RBBP6: variants seen among roughly 807,000 people sequenced by gnomAD.
RBBP6 encodes E3 ubiquitin-protein ligase RBBP6.
RBBP6 carries 25 observed loss-of-function variants against 167.7 expected under a neutral mutation model. That is an observed-to-expected ratio of 0.15 (90% CI 0.11 to 0.21). RBBP6 has a LOEUF of 0.21. RBBP6 is among the 10% of genes least tolerant of loss of function. The pLI, the probability that RBBP6 is intolerant of heterozygous loss-of-function variation, is 1.00. For synonymous variants in RBBP6, 789 were observed against 735.8 expected (o/e 1.07, Z -1.17); for missense variants, 1,868 against 2,134.2 (o/e 0.88, Z 2.46).
Position 24,571,797 on chromosome 16 carries a change from G to T in RBBP6, c.4731G>T (p.Arg1577Ser). The change falls in exon 18 of 18, where the codon AGG becomes AGT. Residue 1577 changes from arginine to serine, a missense_variant. Around this residue, in one of 7 missense-constraint regions of RBBP6, gnomAD observed 591 missense variants for 540.5 expected, o/e 1.09. Coordinates refer to ENST00000319715, the MANE Select transcript of RBBP6 (RefSeq NM_006910.5). Reference protein sequence around the residue: ...KDREKHVLEARNNKESSGNKL... With the variant: ...KDREKHVLEASNNKESSGNKL... ...GTGAGAAGCATGTATTAGAAGCAAGGAACAATAAAGAGTCAAGTGGCAATA... is the reference window on the plus strand; with the variant it reads ...GTGAGAAGCATGTATTAGAAGCAAGTAACAATAAAGAGTCAAGTGGCAATA... 1 of 1,613,954 alleles carries T rather than the reference G, an allele frequency of 6.2e-7. No individual in the cohort carries two copies. The highest frequency in any genetic ancestry group is 8.5e-7 in the Non-Finnish European group (1 of 1,179,944).
rs140093349 is a variant in RBBP6 at position 24,570,879 on chromosome 16, G to C, written c.3813G>C (p.Thr1271=). 6.8e-7 allele frequency: 1 copy of C among 1,470,132 alleles called. No homozygotes were observed. The highest frequency in any genetic ancestry group is 1.6e-5 in the South Asian group (1 of 64,140). 91.1% of individuals were successfully genotyped at this position (1,470,132 alleles called of 1,614,324 possible). A position where few individuals can be genotyped will look rare whatever the true frequency, so the allele number is the denominator to read the frequency against. The change falls in exon 18 of 18, where the codon ACG becomes ACC. Residue 1271 remains threonine (T), a synonymous_variant. Coordinates refer to ENST00000319715, the MANE Select transcript of RBBP6 (RefSeq NM_006910.5). ...AATATTTTGTTATTCTTTTTAGTAC[G>C]AGCTCAACTGGAGGCAGTCCTGTGC... ...SSSTLVDYTS[T]SSTGGSPVRK... is the part of the protein sequence containing the mutation.
chr16:24,570,125 A>G lies in RBBP6; in HGVS notation c.3435A>G (p.Glu1145=), dbSNP rs369958085. Residue 1145 remains glutamate (E), a synonymous_variant, in exon 17 of 18, where the codon GAA becomes GAG. Transcript: ENST00000319715. ...ACAAACCACTTGATAATAAGGGAGA[A>G]AAAAGAAAAAGAAAAACTGAAGAAA... ...EKNKPLDNKG[E]KRKRKTEEKG... 4.4e-6 allele frequency: 7 copies of G among 1,586,898 alleles called. No individual in the cohort carries two copies. The African/African-American group carries it at 9.6e-5, about 22-fold the overall frequency.
At chr16:24,557,873 T>A (rs1358806305) in intron 7 of RBBP6, among the ~76,000 whole-genome samples, 1 of 152,242 alleles carries the variant, frequency 6.6e-6, no homozygotes, top group African/African-American at 2.4e-5. Context: ...TGTTTTTGAA[T>A]ATGTACTTCA....
intron 7 of RBBP6, among the ~76,000 whole-genome samples, chr16:24,557,029 C>T (rs62030524): frequency 0.047 from 6,372 of 134,684 alleles, 205 homozygotes; most frequent in Non-Finnish European, 0.073. Context: ...GACCAAGTCT[C>T]GCTCTGTCCC....
In RBBP6 at chr16:24,568,874, A is replaced by G. The variant is rs573399066; in HGVS notation, c.2184A>G (p.Ser728=). 1 of 1,614,204 alleles carries G rather than the reference A, an allele frequency of 6.2e-7. No homozygotes were observed. Among genetic ancestry groups the G allele is most frequent in the Admixed American group, 1.7e-5 (1 of 60,030 alleles). Residue 728 remains serine, a synonymous_variant, in exon 17 of 18, where the codon TCA becomes TCG. Coordinates refer to ENST00000319715, the MANE Select transcript of RBBP6 (RefSeq NM_006910.5). The part of the protein sequence containing the change: ...SFSRSHSRSY[S]RSPPYPRRGR... ...GCCGCTCACATTCTCGTTCCTATTCACGGTCACCTCCATACCCCAGAAGAG... is the reference window on the plus strand; with the variant it reads ...GCCGCTCACATTCTCGTTCCTATTCGCGGTCACCTCCATACCCCAGAAGAG...
At chr16:24,549,442 G>GTTT in intron 3 of RBBP6, 1 of 870,968 alleles carries the variant, frequency 1.1e-6, no homozygotes, top group Non-Finnish European at 1.4e-6. Context: ...GTTTTTGTTA[G>GTTT]TTTTTTTTTT....
At chr16:24,549,190 G>A (rs1898738470) in intron 3 of RBBP6, 20 of 1,424,270 alleles carry the variant, frequency 1.4e-5, no homozygotes, top group East Asian at 2.5e-5. Flanking sequence ...ATTTGTGCCC[G>A]TAACACTGTT....
At chr16:24,556,010 C>T in intron 6 of RBBP6, 93 bp downstream of exon 6, 4 of 1,161,716 alleles carry the variant, frequency 3.4e-6, no homozygotes, top group Non-Finnish European at 5.0e-6. Flanking sequence ...ATACTGCCTT[C>T]TGTAGACAAT....
rs747289496 is a variant in RBBP6 at position 24,571,482 on chromosome 16, CAAA to C, written c.4421_4423del (p.Lys1474del). The C allele has an allele frequency of 1.2e-6, 2 of 1,610,952 alleles. No individual in the cohort carries two copies. Among genetic ancestry groups the C allele is most frequent in the African/African-American group, 2.7e-5 (2 of 74,464 alleles). ...ATAAAGACTTCACTCCCAATAGAGA[CAAA>C]AAAACTGACTATGACACCAGAGAGT... On this transcript the variant is annotated inframe_deletion, in exon 18 of 18. Transcript: ENST00000319715.
At chr16:24,543,726 A>G (rs924844252) in intron 1 of RBBP6, among the ~76,000 whole-genome samples, 2 of 152,206 alleles carry the variant, frequency 1.3e-5, no homozygotes, top group African/African-American at 4.8e-5. Flanking sequence ...TTTGTTATAT[A>G]TGAGAAACTT....
At chr16:24,541,181 C>CAAAA (rs751954607) in intron 1 of RBBP6, among the ~76,000 whole-genome samples, 60 of 57,968 alleles carry the variant, frequency 1.0e-3, no homozygotes, top group African/African-American at 3.1e-3. Flanking sequence ...GTTCAATCAG[C>CAAAA]AAAAAAAAAA....
chr16:24,549,049 T>A (rs1418249327), intron 3 of RBBP6, 68 bp downstream of exon 3: 11 of 1,574,470 alleles, frequency 7.0e-6, no homozygotes, highest in Non-Finnish European at 9.5e-6. Flanking sequence ...AGCAGTGAAG[T>A]AAATCATTTT....
chr16:24,572,409 G>A lies in RBBP6; in HGVS notation c.5343G>A (p.Glu1781=), dbSNP rs773462691. ...KKNKDKEKEK[E]KDDQKVKSVT... ...ACAAAGATAAAGAGAAGGAGAAGGA[G>A]AAAGATGACCAAAAAGTGAAATCTG... The change falls in exon 18 of 18, where the codon GAG becomes GAA. Residue 1781 remains glutamate, a synonymous_variant. Transcript: ENST00000319715. The A allele has an allele frequency of 1.4e-5, 22 of 1,530,008 alleles. No individual in the cohort carries two copies. Among genetic ancestry groups the A allele is most frequent in the South Asian group, 5.0e-5 (4 of 79,354 alleles). The allele number at this position is 1,530,008 out of a possible 1,614,324, so 94.8% of individuals were successfully genotyped here. A position where few individuals can be genotyped will look rare whatever the true frequency, so the allele number is the denominator to read the frequency against.
At chr16:24,550,748 T>A (rs78402805) in intron 3 of RBBP6, among the ~76,000 whole-genome samples, 7 of 151,752 alleles carry the variant, frequency 4.6e-5, no homozygotes, top group Non-Finnish European at 7.4e-5. Context: ...CTTTTTTTTT[T>A]AATACTTTAA....
chr16:24,555,508 C>A, intron 4 of RBBP6, 107 bp from the exon 5 acceptor site: 1 of 839,370 alleles, frequency 1.2e-6, no homozygotes, highest in Non-Finnish European at 1.9e-6. Flanking sequence ...TGTTTTTATG[C>A]AAGATTAGTT....
At chr16:24,549,008 T>C (rs749481890) in intron 3 of RBBP6, 27 bp downstream of exon 3, 11 of 1,606,788 alleles carry the variant, frequency 6.8e-6, no homozygotes, top group Non-Finnish European at 9.4e-6. Context: ...TCTCACACTT[T>C]TTCTACACAT....
At chr16:24,543,292 C>A in intron 1 of RBBP6, among the ~76,000 whole-genome samples, 1 of 126,180 alleles carries the variant, frequency 7.9e-6, no homozygotes, top group East Asian at 2.3e-4. Context: ...TCCCTTAAAT[C>A]TTTTTTTTTT....
At chr16:24,547,069 A>T (rs1898674144) in intron 2 of RBBP6, among the ~76,000 whole-genome samples, 1 of 152,164 alleles carries the variant, frequency 6.6e-6, no homozygotes, top group Non-Finnish European at 1.5e-5. Flanking sequence ...AACATAGGTT[A>T]TTTAAAGAGT....
chr16:24,563,795 C>G, intron 13 of RBBP6, 131 bp downstream of exon 13: 1 of 697,956 alleles, frequency 1.4e-6, no homozygotes, highest in Non-Finnish European at 2.1e-6. Flanking sequence ...TGTAAACTTT[C>G]ATGTGCCAGA....
Sources: allele counts gnomAD v4.1 joint callset (sites outside exome capture counted in the v4.1 genomes callset), GRCh38; gene constraint gnomAD v4.1.1; regional missense constraint gnomAD v4.1.1; transcripts MANE v1.5; gene names NCBI Gene and HGNC (gene_info 2026-07-23, HGNC 2026-07-21).